Variants in SYNCRIP observed in about 807,000 individuals in gnomAD.
The protein encoded by SYNCRIP is synaptotagmin binding cytoplasmic RNA interacting protein.
A neutral mutation model predicts 68.9 loss-of-function variants in SYNCRIP; 9 were observed. The ratio of observed to expected loss-of-function variants is 0.13; its 90% CI spans 0.08 to 0.23. The LOEUF (loss-of-function observed/expected upper bound fraction) is 0.23. Among genes scored for constraint, SYNCRIP ranks in the 10% least tolerant of loss-of-function variants. The probability of loss-of-function intolerance (pLI) is 1.00; values close to 1 mark genes in which losing one functional copy is unlikely to be tolerated. For missense variants in SYNCRIP, 414 were observed against 770.6 expected (o/e 0.54, Z 5.48); for synonymous variants, 258 against 254.0 (o/e 1.02, Z -0.15).
chr6:85,624,166 G>A (rs1806773253), intron 6 of SYNCRIP, 54 bp from the exon 7 acceptor site: 2 of 1,527,460 alleles, frequency 1.3e-6, no homozygotes, highest in African/African-American at 2.8e-5. Flanking sequence ...AACTAGAACA[G>A]TTAATTATAA....
chr6:85,623,583 A>AAAAAAAAAAAAAAAAACAAAAAAC (rs1562087872), intron 7 of SYNCRIP, among the ~76,000 whole-genome samples: 1 of 143,892 alleles, frequency 6.9e-6, no homozygotes, highest in African/African-American at 2.5e-5. Flanking sequence ...AAAAAAAAAA[A>AAAAAAAAAAAAAAAAACAAAAAAC]CACTCTGCTA....
rs1357975074 is a variant in SYNCRIP, at chr6:85,615,359, GAGAC to G, written c.1281-16_1281-13del. 3 of 1,448,860 alleles carry G rather than the reference GAGAC, an allele frequency of 2.1e-6. No homozygotes were observed. Among genetic ancestry groups the G allele is most frequent in the East Asian group, 2.4e-5 (1 of 42,086 alleles). The allele number at this position is 1,448,860 out of a possible 1,614,324, so 89.8% of individuals were successfully genotyped here. A position where few individuals can be genotyped will look rare whatever the true frequency, so the allele number is the denominator to read the frequency against. On this transcript the variant is annotated splice_polypyrimidine_tract_variant and intron_variant, in intron 10 of 10. Coordinates refer to ENST00000369622, the MANE Select transcript of SYNCRIP (RefSeq NM_006372.5). ...AGTAATCGTCATACCTATTAAAAAA[GAGAC>G]AGAGATTAGAGTTTAAATCAAATTA...
At chr6:85,640,178 G>A (rs1309876778) in intron 4 of SYNCRIP, 43 bp downstream of exon 4, 2 of 1,393,308 alleles carry the variant, frequency 1.4e-6, no homozygotes, top group South Asian at 2.4e-5. Flanking sequence ...TTAGGAAACA[G>A]TTAAAATGAC....
chr6:85,640,252 G>A lies in SYNCRIP; in HGVS notation c.344C>T (p.Ser115Phe), dbSNP rs772612651. The stretch of plus-strand genomic sequence containing the variant: ...TTTTGCCTCATCTGGTCCTTTACTA[G>A]AATCTGCTACTTTGGTCCCTTGTTT... ...REKQGTKVAD[S>F]SKGPDEAKIK... Residue 115 changes from serine to phenylalanine, a missense_variant, in exon 4 of 11, where the codon TCT becomes TTT. This residue lies in a region of SYNCRIP where 110 missense variants were observed against 269.3 expected (regional missense o/e 0.41). Coordinates refer to ENST00000369622, the MANE Select transcript of SYNCRIP (RefSeq NM_006372.5). 1.2e-6 allele frequency: 2 copies of A among 1,613,588 alleles called. No homozygotes were observed. The highest frequency in any genetic ancestry group is 1.3e-5 in the African/African-American group (1 of 74,886).
At chr6:85,641,566 C>A (rs1809157196) in intron 1 of SYNCRIP, 115 bp from the exon 2 acceptor site, 1 of 1,055,984 alleles carries the variant, frequency 9.5e-7, no homozygotes, top group Non-Finnish European at 1.3e-6. Context: ...GCCTATACCT[C>A]CCTTTAAAAA....
intron 6 of SYNCRIP, among the ~76,000 whole-genome samples, chr6:85,630,928 G>C (rs1807698556): frequency 6.6e-6 from 1 of 152,116 alleles, no homozygotes; most frequent in Admixed American, 6.5e-5. Context: ...TACTGTCATG[G>C]GGGCAACTGG....
intron 10 of SYNCRIP, among the ~76,000 whole-genome samples, chr6:85,617,519 T>C (rs1805917352): frequency 6.6e-6 from 1 of 152,270 alleles, no homozygotes; most frequent in East Asian, 1.9e-4. Context: ...GTAGTCTTCC[T>C]TCATTTACAC....
intron 7 of SYNCRIP, 138 bp downstream of exon 7, chr6:85,623,839 G>C: frequency 9.8e-7 from 1 of 1,018,798 alleles, no homozygotes; most frequent in Admixed American, 2.8e-5. Flanking sequence ...TGAAAAATGG[G>C]GTTACCTACA....
At chr6:85,616,048 G>GT (rs1049821429) in intron 10 of SYNCRIP, among the ~76,000 whole-genome samples, 2 of 152,234 alleles carry the variant, frequency 1.3e-5, no homozygotes, top group Admixed American at 1.3e-4. Flanking sequence ...AAACTACACC[G>GT]TAACTATAGT....
intron 4 of SYNCRIP, among the ~76,000 whole-genome samples, chr6:85,638,743 C>T (rs927088148): frequency 2.6e-5 from 4 of 152,210 alleles, no homozygotes; most frequent in Admixed American, 2.6e-4. Flanking sequence ...GCTCATCTTT[C>T]CATTTTCTCA....
At chr6:85,620,137 T>G (rs1485575453) in intron 8 of SYNCRIP, among the ~76,000 whole-genome samples, 1 of 152,006 alleles carries the variant, frequency 6.6e-6, no homozygotes, top group Non-Finnish European at 1.5e-5. Context: ...TTCCAGCTAC[T>G]CGGGAGGCTG....
rs531147739 is a variant in SYNCRIP at position 85,640,699 on chromosome 6, A to C, written c.149-135T>G. 354 of 551,234 alleles carry C rather than the reference A, an allele frequency of 6.4e-4. 5 individuals carry two copies. The South Asian group carries it at 0.01, about 16-fold the overall frequency. The allele number at this position is 551,234 out of a possible 1,614,324, so 34.1% of individuals were successfully genotyped here. ...CTCATCTATACCTGAAAAAAAAAAA[A>C]CACACACTTCAGCCACTCTGAACTG... On this transcript the variant is annotated intron_variant, in intron 2 of 10. Coordinates refer to ENST00000369622, the MANE Select transcript of SYNCRIP (RefSeq NM_006372.5).
chr6:85,640,135 A>G lies in SYNCRIP; in HGVS notation c.375+86T>C, dbSNP rs139027977. 13 of 871,804 alleles carry G rather than the reference A, an allele frequency of 1.5e-5. No individual in the cohort carries two copies. The East Asian group carries it at 2.4e-4, about 16-fold the overall frequency. 54.0% of individuals were successfully genotyped at this position (871,804 alleles called of 1,614,324 possible). On this transcript the variant is annotated intron_variant, in intron 4 of 10. Coordinates refer to ENST00000369622, the MANE Select transcript of SYNCRIP (RefSeq NM_006372.5). ...TGAATTATCTCAACATCTAACATAC[A>G]TCCATTTCATACCCAAGGAATATTT... is the stretch of plus-strand genomic sequence containing the variant.
chr6:85,626,973 TA>T (rs1807109857), intron 6 of SYNCRIP, among the ~76,000 whole-genome samples: 1 of 152,056 alleles, frequency 6.6e-6, no homozygotes, highest in Non-Finnish European at 1.5e-5. Context: ...TTTTTTCAAT[TA>T]AAAAACTTGG....
rs117174650 is a variant in SYNCRIP at position 85,626,318 on chromosome 6, T to C, written c.667-2206A>G. On this transcript the variant is annotated intron_variant, in intron 6 of 10. Transcript: ENST00000369622. Reference sequence around the variant, plus strand: ...TCAAGTAGCCAGCCTTAGCAACAAATCAGTGGTTTTCAAATTGGTCATGCA... The same window carrying C: ...TCAAGTAGCCAGCCTTAGCAACAAACCAGTGGTTTTCAAATTGGTCATGCA... Among the ~76,000 whole-genome samples the C allele has an allele frequency of 8.8e-3, 1,346 of 152,258 alleles. 12 individuals carry two copies. Among genetic ancestry groups the C allele is most frequent in the Non-Finnish European group, 0.015 (1,019 of 68,020 alleles).
chr6:85,610,172 ACAGT>A (rs1805133439), downstream of SYNCRIP: 4 of 151,178 alleles, frequency 2.6e-5, no homozygotes, highest in South Asian at 8.3e-4. Context: ...TGAAAATACC[ACAGT>A]TAGTATTTCT....
rs3812136 is a variant in SYNCRIP at position 85,641,161 on chromosome 6, C to G, written c.148+131G>C. ...AACCTCTACTTCAAACTTAAATTAA[C>G]CAACTATCACAACAAGCAAAACTCC... On this transcript the variant is annotated intron_variant, in intron 2 of 10. Coordinates refer to ENST00000369622, the MANE Select transcript of SYNCRIP (RefSeq NM_006372.5). 1.4e-5 allele frequency: 10 copies of G among 691,460 alleles called. No individual in the cohort carries two copies. The East Asian group carries it at 2.7e-4, about 18-fold the overall frequency. 42.8% of individuals were successfully genotyped at this position (691,460 alleles called of 1,614,324 possible). A position where few individuals can be genotyped will look rare whatever the true frequency, so the allele number is the denominator to read the frequency against.
In SYNCRIP at chr6:85,638,328, C is replaced by G. The variant is rs979497022; in HGVS notation, c.376-972G>C. 1.6e-4 allele frequency among the ~76,000 whole-genome samples: 20 copies of G among 127,654 alleles called. 1 individual carries two copies. The highest frequency in any genetic ancestry group is 2.0e-4 in the Admixed American group (2 of 9,844). The allele number at this position is 127,654 out of a possible 152,430, so 83.7% of individuals were successfully genotyped here. Reference sequence around the variant, plus strand: ...CTGGAGGGGCGGAGGTTGCAGTGAGCGGAGATCGCGCCACTGCACTCCAGC... The same window carrying G: ...CTGGAGGGGCGGAGGTTGCAGTGAGGGGAGATCGCGCCACTGCACTCCAGC... On this transcript the variant is annotated intron_variant, in intron 4 of 10. Coordinates refer to ENST00000369622, the MANE Select transcript of SYNCRIP (RefSeq NM_006372.5).
chr6:85,608,900 A>G (rs569232570), exon 12 of SYNCRIP: 1 of 152,132 alleles, frequency 6.6e-6, no homozygotes, highest in South Asian at 2.1e-4. Flanking sequence ...ACAGACCCCA[A>G]AAGTCCATCT....
Sources: gnomAD v4.1 joint callset for allele counts (sites outside exome capture counted in the v4.1 genomes callset) on GRCh38, gnomAD v4.1.1 for gene constraint, gnomAD v4.1.1 regional missense constraint, MANE v1.5 for transcripts, NCBI Gene and HGNC (gene_info 2026-07-23, HGNC 2026-07-21) for gene names.